ATF7IP2: variants seen among roughly 807,000 people sequenced by gnomAD.
ATF7IP2 encodes the protein activating transcription factor 7-interacting protein 2.
A neutral mutation model predicts 64.2 loss-of-function variants in ATF7IP2; 42 were observed. The observed-to-expected ratio is 0.65, with a 90% confidence interval of 0.51 to 0.85. The LOEUF is 0.85. ATF7IP2 is among the 40% of genes least tolerant of loss of function. The pLI is 0.00. For missense variants in ATF7IP2, 933 were observed against 784.2 expected, an observed-to-expected ratio of 1.19 and a Z score of -2.27; for synonymous variants, 308 against 272.8, an observed-to-expected ratio of 1.13 and a Z score of -1.27.
At chr16:10,420,099 T>C (rs1219668951) in intron 3 of ATF7IP2, among the ~76,000 whole-genome samples, 1 of 152,226 alleles carries the variant, frequency 6.6e-6, no homozygotes, top group Non-Finnish European at 1.5e-5. Flanking sequence ...TGGGTTGTCC[T>C]TGAGAATTAC....
chr16:10,430,353 A>G (rs2048202981), intron 4 of ATF7IP2, among the ~76,000 whole-genome samples: 1 of 152,232 alleles, frequency 6.6e-6, no homozygotes, highest in South Asian at 2.1e-4. Flanking sequence ...AGAAGTGGCT[A>G]GATAAAACTA....
chr16:10,470,120 G>C (rs990706223), intron 9 of ATF7IP2, among the ~76,000 whole-genome samples: 3 of 151,908 alleles, frequency 2.0e-5, no homozygotes, highest in African/African-American at 7.3e-5. Context: ...TAAATATGTT[G>C]GCAAATAGAA....
At chr16:10,443,461 C>T (rs755854595) in intron 8 of ATF7IP2, among the ~76,000 whole-genome samples, 1 of 152,154 alleles carries the variant, frequency 6.6e-6, no homozygotes, top group African/African-American at 2.4e-5. Context: ...AAGTAGAAAG[C>T]GGACAACCTG....
At position 10,399,582 on chromosome 16, in the gene ATF7IP2, A is replaced by T. The variant is rs78631042; in HGVS notation, c.-242+13460A>T. On this transcript the variant is annotated intron_variant, in intron 1 of 13. Coordinates refer to ENST00000562102, the MANE Select transcript of ATF7IP2 (RefSeq NM_001393719.1). ...ACATTACTATGCTGTTTTGATTACCATCAGCTTTGTGTTATAATATTGTTA... is the reference window on the plus strand; with the variant it reads ...ACATTACTATGCTGTTTTGATTACCTTCAGCTTTGTGTTATAATATTGTTA... 2.0e-3 allele frequency among the ~76,000 whole-genome samples: 297 copies of T among 152,262 alleles called. 2 individuals carry two copies. Among genetic ancestry groups the T allele is most frequent in the African/African-American group, 6.9e-3 (286 of 41,574 alleles).
In ATF7IP2 at chr16:10,389,009, C is replaced by CAA. The variant is rs777578652; in HGVS notation, c.-242+2901_-242+2902dup. The stretch of plus-strand genomic sequence containing the variant: ...CCTGGGCGACAGAGCAAGACTGTCT[C>CAA]AAAAAAAAAAAAAAATTATAGTGGG... On this transcript the variant is annotated intron_variant, in intron 1 of 13. Coordinates refer to ENST00000562102, the MANE Select transcript of ATF7IP2 (RefSeq NM_001393719.1). 8.9e-3 allele frequency among the ~76,000 whole-genome samples: 1,053 copies of CAA among 118,542 alleles called. 6 individuals carry two copies. Among genetic ancestry groups the CAA allele is most frequent in the African/African-American group, 0.03 (961 of 32,416 alleles). The allele number at this position is 118,542 out of a possible 152,430, so 77.8% of individuals were successfully genotyped here.
intron 1 of ATF7IP2, among the ~76,000 whole-genome samples, chr16:10,390,167 A>T (rs1286644841): frequency 6.6e-6 from 1 of 152,078 alleles, no homozygotes; most frequent in Non-Finnish European, 1.5e-5. Flanking sequence ...TACCTTGGAG[A>T]ACATCACTGG....
intron 7 of ATF7IP2, among the ~76,000 whole-genome samples, chr16:10,438,538 TCAC>T (rs1274363423): frequency 6.6e-6 from 1 of 151,506 alleles, no homozygotes; most frequent in Non-Finnish European, 1.5e-5. Flanking sequence ...CAGGCGTGCG[TCAC>T]CACACCTGGC....
chr16:10,464,904 A>G (rs989650453), intron 9 of ATF7IP2, among the ~76,000 whole-genome samples: 6 of 152,204 alleles, frequency 3.9e-5, no homozygotes, highest in African/African-American at 1.4e-4. Flanking sequence ...ATCTCAGCTC[A>G]CTGCAACCTT....
chr16:10,443,486 C>G (rs113701553), intron 8 of ATF7IP2, among the ~76,000 whole-genome samples: 1 of 152,206 alleles, frequency 6.6e-6, no homozygotes, highest in Non-Finnish European at 1.5e-5. Context: ...TCTGGCCTAC[C>G]GTGTGCACAA....
At chr16:10,398,595 G>A (rs543985056) in intron 1 of ATF7IP2, among the ~76,000 whole-genome samples, 19 of 152,250 alleles carry the variant, frequency 1.2e-4, no homozygotes, top group African/African-American at 4.6e-4. Context: ...TGTGGTATAT[G>A]TATATGATGG....
At chr16:10,459,201 G>T (rs1003869721) in intron 9 of ATF7IP2, among the ~76,000 whole-genome samples, 3 of 152,120 alleles carry the variant, frequency 2.0e-5, no homozygotes, top group African/African-American at 7.2e-5. Context: ...CGGTGCGGTG[G>T]CTCACGCCTT....
At chr16:10,435,470 C>G (rs1217471266) in intron 6 of ATF7IP2, among the ~76,000 whole-genome samples, 1 of 152,194 alleles carries the variant, frequency 6.6e-6, no homozygotes, top group Non-Finnish European at 1.5e-5. Flanking sequence ...CAATCTGATT[C>G]CCTGTTGATG....
intron 1 of ATF7IP2, among the ~76,000 whole-genome samples, chr16:10,403,566 A>T (rs941565950): frequency 2.6e-5 from 4 of 152,234 alleles, no homozygotes; most frequent in Non-Finnish European, 5.9e-5. Flanking sequence ...GTAAGGTATT[A>T]TAACACCCCC....
chr16:10,476,773 T>A (rs1347981715), intron 12 of ATF7IP2, among the ~76,000 whole-genome samples: 1 of 152,208 alleles, frequency 6.6e-6, no homozygotes, highest in East Asian at 1.9e-4. Context: ...TTTCTGTTCC[T>A]GCGTTACTTT....
intron 1 of ATF7IP2, among the ~76,000 whole-genome samples, chr16:10,393,759 A>G (rs562837073): frequency 9.2e-5 from 14 of 152,294 alleles, no homozygotes; most frequent in African/African-American, 3.4e-4. Flanking sequence ...GTCAATAGTA[A>G]TATGAAGGCC....
intron 8 of ATF7IP2, chr16:10,447,648 G>C (rs2048853823): frequency 6.6e-6 from 1 of 152,176 alleles, no homozygotes; most frequent in Admixed American, 6.5e-5. Context: ...ATTGGGGTCA[G>C]ACTGCACAAT....
Position 10,478,342 on chromosome 16 carries a change from T to G in ATF7IP2, c.1550-2537T>G, listed in dbSNP as rs556910383. On this transcript the variant is annotated intron_variant, in intron 12 of 13. Transcript: ENST00000562102. The stretch of plus-strand genomic sequence containing the variant: ...TGGAACAGAACAGAGCCCTCAGAAA[T>G]AACGCCACATATCTACAACTATCTG... Among the ~76,000 whole-genome samples the G allele has an allele frequency of 1.9e-3, 287 of 151,830 alleles. 2 individuals are homozygous for G. Among genetic ancestry groups the G allele is most frequent in the African/African-American group, 6.7e-3 (276 of 41,356 alleles).
intron 4 of ATF7IP2, among the ~76,000 whole-genome samples, chr16:10,429,730 ATTTAT>A (rs1555507614): frequency 1.1e-5 from 1 of 87,704 alleles, no homozygotes; most frequent in South Asian, 4.2e-4. Flanking sequence ...ATTTTATTTT[ATTTAT>A]TTTATTTTAT....
At chr16:10,403,458 AACTC>A (rs1304367714) in intron 1 of ATF7IP2, among the ~76,000 whole-genome samples, 1 of 152,218 alleles carries the variant, frequency 6.6e-6, no homozygotes, top group Non-Finnish European at 1.5e-5. Context: ...CAAGAAAAAA[AACTC>A]CTGTCCTAGT....
Sources: allele counts gnomAD v4.1 joint callset (sites outside exome capture counted in the v4.1 genomes callset), GRCh38; gene constraint gnomAD v4.1.1; transcripts MANE v1.5; gene names NCBI Gene and HGNC (gene_info 2026-07-23, HGNC 2026-07-21).